SEMA5A: variants seen among roughly 807,000 people sequenced by gnomAD.
SEMA5A encodes semaphorin 5A.
Under a neutral mutation model 135.5 loss-of-function variants are expected in SEMA5A, and 55 were observed. That is an observed-to-expected ratio of 0.41 (90% CI 0.33 to 0.51). The LOEUF (loss-of-function observed/expected upper bound fraction) is 0.51, where lower values mean the gene tolerates loss of function less well. Ranked by LOEUF, SEMA5A falls within the 20% of genes least tolerant of loss-of-function variation. The pLI is 0.37. For missense variants in SEMA5A, 1,290 were observed against 1,419.9 expected (o/e 0.91, Z 1.47); for synonymous variants, 580 against 546.5 (o/e 1.06, Z -0.85).
intron 1 of SEMA5A, among the ~76,000 whole-genome samples, chr5:9,465,123 G>A (rs1759209041): frequency 6.6e-6 from 1 of 152,192 alleles, no homozygotes; most frequent in South Asian, 2.1e-4. Flanking sequence ...TCAAAATGCT[G>A]GGCCCCAGGC....
At chr5:9,393,859 T>C (rs1561216329) in intron 2 of SEMA5A, among the ~76,000 whole-genome samples, 1 of 152,078 alleles carries the variant, frequency 6.6e-6, no homozygotes. Context: ...TTGTTCATAA[T>C]AGCAAAAAAT....
At position 9,037,882 on chromosome 5, in the gene SEMA5A, T is replaced by C. The variant is rs1735737355; in HGVS notation, c.*5015A>G. The C allele has an allele frequency of 6.6e-6, 1 of 152,198 alleles. No individual in the cohort carries two copies. Among genetic ancestry groups the C allele is most frequent in the Admixed American group, 6.5e-5 (1 of 15,282 alleles). 9.4% of individuals were successfully genotyped at this position (152,198 alleles called of 1,614,324 possible). A position where few individuals can be genotyped will look rare whatever the true frequency, so the allele number is the denominator to read the frequency against. ...AGAAATAAATTTCACGATGATCCCC[T>C]GTCCCCAAACATTTTATCTTACATT... On this transcript the variant is annotated 3_prime_UTR_variant, in exon 23 of 23. Transcript: ENST00000382496.
intron 5 of SEMA5A, among the ~76,000 whole-genome samples, chr5:9,300,237 AG>A (rs1579304705): frequency 1.3e-5 from 2 of 152,148 alleles, no homozygotes; most frequent in South Asian, 4.1e-4. Context: ...CATGTTACCC[AG>A]GCTGGTCTCA....
At chr5:9,159,157 T>C (rs533814696) in intron 11 of SEMA5A, among the ~76,000 whole-genome samples, 2 of 152,346 alleles carry the variant, frequency 1.3e-5, no homozygotes, top group African/African-American at 4.8e-5. Flanking sequence ...TCCTACTTTA[T>C]AGGTGACGAT....
intron 7 of SEMA5A, among the ~76,000 whole-genome samples, chr5:9,225,701 ACTTT>A (rs924081407): frequency 1.1e-4 from 16 of 152,092 alleles, no homozygotes; most frequent in Non-Finnish European, 2.1e-4. Flanking sequence ...CATTTCCAAC[ACTTT>A]CTTTCTTTTT....
At chr5:9,440,906 A>G (rs1038510426) in intron 1 of SEMA5A, among the ~76,000 whole-genome samples, 2 of 152,232 alleles carry the variant, frequency 1.3e-5, no homozygotes, top group African/African-American at 4.8e-5. Flanking sequence ...CAACAGTAAG[A>G]TTACACTGGA....
intron 1 of SEMA5A, among the ~76,000 whole-genome samples, chr5:9,524,175 A>C (rs531639894): frequency 3.7e-4 from 56 of 152,214 alleles, no homozygotes; most frequent in Middle Eastern, 6.8e-3. Context: ...TCTATGTGGA[A>C]AAGAGTGCTT....
intron 1 of SEMA5A, among the ~76,000 whole-genome samples, chr5:9,457,053 G>A (rs573623297): frequency 6.6e-6 from 1 of 152,276 alleles, no homozygotes; most frequent in African/African-American, 2.4e-5. Context: ...TCTAGATCGA[G>A]CCTAGCAAAT....
chr5:9,243,793 C>T (rs745432200), intron 5 of SEMA5A, among the ~76,000 whole-genome samples: 1 of 152,106 alleles, frequency 6.6e-6, no homozygotes, highest in Non-Finnish European at 1.5e-5. Context: ...CACTTTATAA[C>T]TTGGATCTGG....
chr5:9,119,577 A>T (rs1223399818), intron 14 of SEMA5A, among the ~76,000 whole-genome samples: 1 of 152,170 alleles, frequency 6.6e-6, no homozygotes, highest in Non-Finnish European at 1.5e-5. Context: ...CAAAATGCTC[A>T]TCTAAAACTG....
intron 3 of SEMA5A, among the ~76,000 whole-genome samples, chr5:9,340,384 G>A (rs145259716): frequency 1.3e-5 from 2 of 152,302 alleles, no homozygotes; most frequent in East Asian, 3.9e-4. Flanking sequence ...GTGAAGAGAT[G>A]AGCCTCTAAG....
chr5:9,136,284 A>C (rs1741737563), intron 13 of SEMA5A, among the ~76,000 whole-genome samples: 2 of 152,216 alleles, frequency 1.3e-5, no homozygotes, highest in South Asian at 4.1e-4. Flanking sequence ...GTTTTCTGTG[A>C]AGACATTTCT....
chr5:9,142,777 G>T (rs1443707078), intron 12 of SEMA5A, among the ~76,000 whole-genome samples: 3 of 152,178 alleles, frequency 2.0e-5, no homozygotes, highest in East Asian at 3.9e-4. Flanking sequence ...GACCAGCTTG[G>T]TCAACATAGT....
intron 8 of SEMA5A, among the ~76,000 whole-genome samples, chr5:9,221,326 G>T (rs1231834075): frequency 7.1e-6 from 1 of 140,240 alleles, no homozygotes; most frequent in African/African-American, 2.7e-5. Context: ...TTTTTGAGAC[G>T]GAGTCTCGCT....
At chr5:9,438,460 C>T (rs1448218581) in intron 1 of SEMA5A, among the ~76,000 whole-genome samples, 1 of 152,174 alleles carries the variant, frequency 6.6e-6, no homozygotes, top group Non-Finnish European at 1.5e-5. Context: ...ATTTCATATA[C>T]AAAAATTCTG....
chr5:9,376,705 C>T (rs200542471), intron 3 of SEMA5A, among the ~76,000 whole-genome samples: 8 of 152,152 alleles, frequency 5.3e-5, no homozygotes, highest in South Asian at 4.1e-4. Context: ...AGGTTCACTC[C>T]GAATTAAAAA....
At chr5:9,315,800 T>G (rs1171158584) in intron 5 of SEMA5A, among the ~76,000 whole-genome samples, 1 of 152,210 alleles carries the variant, frequency 6.6e-6, no homozygotes, top group Non-Finnish European at 1.5e-5. Flanking sequence ...CCCTTGACCT[T>G]TGACTATTTG....
At chr5:9,310,316 T>C (rs975258067) in intron 5 of SEMA5A, among the ~76,000 whole-genome samples, 3 of 152,122 alleles carry the variant, frequency 2.0e-5, no homozygotes, top group Non-Finnish European at 2.9e-5. Context: ...GCCAACGACA[T>C]GCAAATGAAT....
chr5:9,465,246 A>C (rs1759214299), intron 1 of SEMA5A, among the ~76,000 whole-genome samples: 1 of 152,226 alleles, frequency 6.6e-6, no homozygotes, highest in African/African-American at 2.4e-5. Flanking sequence ...GTCAGTATTC[A>C]AGAGTTTCCG....
Sources: allele counts gnomAD v4.1 joint callset (sites outside exome capture counted in the v4.1 genomes callset), GRCh38; gene constraint gnomAD v4.1.1; transcripts MANE v1.5; gene names NCBI Gene and HGNC (gene_info 2026-07-23, HGNC 2026-07-21).